The following CNEP1R1 variants were observed in gnomAD, a reference collection of about 807,000 sequenced individuals.
CNEP1R1 encodes CTD nuclear envelope phosphatase 1 regulatory subunit 1, also known as nuclear envelope phosphatase-regulatory subunit 1.
Under a neutral mutation model 22.7 loss-of-function variants are expected in CNEP1R1, and 10 were observed. That is an observed-to-expected ratio of 0.44 (90% confidence interval 0.27 to 0.75). The LOEUF (loss-of-function observed/expected upper bound fraction) is 0.75, where lower values mean the gene tolerates loss of function less well. CNEP1R1 is among the 30% of genes least tolerant of loss of function. The pLI, the probability that CNEP1R1 is intolerant of heterozygous loss-of-function variation, is 0.17. For missense variants in CNEP1R1, 73 were observed against 151.5 expected (o/e 0.48, Z 2.72); for synonymous variants, 53 against 50.1 (o/e 1.06, Z -0.25).
At chr16:50,028,402 G>A (rs17213285) in intron 2 of CNEP1R1, among the ~76,000 whole-genome samples, 13,054 of 152,230 alleles carry the variant, frequency 0.086, 668 homozygotes, top group Middle Eastern at 0.14. Context: ...TGAAGCTAAG[G>A]ATCTAAGGAT....
chr16:50,025,429 C>T, intron 1 of CNEP1R1, 89 bp downstream of exon 1: 4 of 1,315,518 alleles, frequency 3.0e-6, no homozygotes, highest in Non-Finnish European at 4.0e-6. Flanking sequence ...ACCCCCGCCC[C>T]GGGAGGAGGC....
intron 5 of CNEP1R1, 75 bp from the exon 6 acceptor site, chr16:50,035,342 T>A: frequency 1.2e-6 from 1 of 828,102 alleles, no homozygotes. Flanking sequence ...ACATACCCTT[T>A]AAGGTTTATA....
chr16:50,033,723 G>C (rs1276605611), intron 4 of CNEP1R1, among the ~76,000 whole-genome samples: 2 of 151,588 alleles, frequency 1.3e-5, no homozygotes, highest in Non-Finnish European at 2.9e-5. Flanking sequence ...AATTAGCCAG[G>C]TGTGGTGGTC....
intron 3 of CNEP1R1, among the ~76,000 whole-genome samples, chr16:50,032,423 C>T (rs1214949897): frequency 2.0e-5 from 3 of 152,280 alleles, no homozygotes; most frequent in African/African-American, 7.2e-5. Context: ...TTTCTTTCTC[C>T]TTCGTTCTAG....
At chr16:50,025,363 G>A (rs751425182) in intron 1 of CNEP1R1, 23 bp downstream of exon 1, 2 of 1,435,322 alleles carry the variant, frequency 1.4e-6, no homozygotes, top group Admixed American at 3.0e-5. Context: ...GCCCGGGCCC[G>A]TCCCCCGTCT....
At chr16:50,028,404 T>C (rs1404085093) in intron 2 of CNEP1R1, among the ~76,000 whole-genome samples, 1 of 152,214 alleles carries the variant, frequency 6.6e-6, no homozygotes, top group Non-Finnish European at 1.5e-5. Flanking sequence ...AAGCTAAGGA[T>C]CTAAGGATCT....
intron 1 of CNEP1R1, 107 bp downstream of exon 1, chr16:50,025,447 G>A (rs1432240776): frequency 7.9e-7 from 1 of 1,266,358 alleles, no homozygotes; most frequent in Non-Finnish European, 1.1e-6. Context: ...GGCCGCAGAG[G>A]ATGGAGCTAG....
chr16:50,035,470 CATT>C lies in CNEP1R1; in HGVS notation c.*13_*15del, dbSNP rs2036267799. 1 of 1,568,956 alleles carries C rather than the reference CATT, an allele frequency of 6.4e-7. No individual in the cohort carries two copies. Among genetic ancestry groups the C allele is most frequent in the African/African-American group, 1.3e-5 (1 of 74,314 alleles). ...CTCATGTTCAATGACAATCTTCACT[CATT>C]GTTATGGGACTTAAAATAGCCTTTC... On this transcript the variant is annotated 3_prime_UTR_variant, in exon 6 of 6. Coordinates refer to ENST00000427478, the MANE Select transcript of CNEP1R1 (RefSeq NM_001281789.2).
intron 3 of CNEP1R1, among the ~76,000 whole-genome samples, chr16:50,032,843 A>G (rs985303675): frequency 6.6e-6 from 1 of 152,078 alleles, no homozygotes; most frequent in Admixed American, 6.5e-5. Flanking sequence ...CGTCTCTACT[A>G]AAAGTACAAA....
intron 2 of CNEP1R1, among the ~76,000 whole-genome samples, chr16:50,027,550 C>T (rs1447483681): frequency 6.6e-6 from 1 of 151,516 alleles, no homozygotes; most frequent in Non-Finnish European, 1.5e-5. Flanking sequence ...GGTGGCACAC[C>T]CCGAGGTCCC....
intron 1 of CNEP1R1, 72 bp downstream of exon 1, chr16:50,025,412 C>T: frequency 7.3e-7 from 1 of 1,368,788 alleles, no homozygotes; most frequent in Non-Finnish European, 9.6e-7. Flanking sequence ...GAGCCGGCGT[C>T]GTGAAGACCC....
chr16:50,026,334 C>CTCG (rs1274762906), intron 1 of CNEP1R1, 62 bp from the exon 2 acceptor site: 4 of 1,184,656 alleles, frequency 3.4e-6, no homozygotes, highest in Non-Finnish European at 4.9e-6. Context: ...TAGGTAAATA[C>CTCG]TCTGACATTT....
chr16:50,033,888 T>C (rs1365227689), intron 4 of CNEP1R1, among the ~76,000 whole-genome samples: 2 of 146,552 alleles, frequency 1.4e-5, no homozygotes, highest in African/African-American at 5.0e-5. Flanking sequence ...GAGTACGCTT[T>C]GTGTTTTTTT....
chr16:50,030,931 T>C (rs566659327), intron 3 of CNEP1R1, among the ~76,000 whole-genome samples: 1 of 152,358 alleles, frequency 6.6e-6, no homozygotes, highest in African/African-American at 2.4e-5. Context: ...CATAATGTTA[T>C]TCCTTGAAGC....
intron 4 of CNEP1R1, among the ~76,000 whole-genome samples, 156 bp from the exon 5 acceptor site, chr16:50,033,946 C>T (rs1324812740): frequency 3.4e-5 from 5 of 148,646 alleles, no homozygotes; most frequent in Admixed American, 6.7e-5. Context: ...TGCAGTGGCG[C>T]GATCTCGGAT....
At position 50,025,245 on chromosome 16, in the gene CNEP1R1, C is replaced by G; in HGVS notation, c.-71C>G. 2.2e-6 allele frequency: 3 copies of G among 1,366,450 alleles called. No individual in the cohort carries two copies. Among genetic ancestry groups the G allele is most frequent in the Non-Finnish European group, 2.8e-6 (3 of 1,059,936 alleles). The allele number at this position is 1,366,450 out of a possible 1,614,324, so 84.6% of individuals were successfully genotyped here. ...CGGTTAGAGGTGGGAGTTGGCGCTG[C>G]GGGCCGGGCGGGGGCCGCGGAAGCT... is the stretch of plus-strand genomic sequence containing the variant. On this transcript the variant is annotated 5_prime_UTR_variant, in exon 1 of 6. Transcript: ENST00000427478.
At chr16:50,033,349 C>T (rs1044496107) in intron 3 of CNEP1R1, 48 bp from the exon 4 acceptor site, 2 of 863,278 alleles carry the variant, frequency 2.3e-6, no homozygotes, top group African/African-American at 3.4e-5. Context: ...AGGAATCAGC[C>T]ATCCTAAGAT....
chr16:50,033,280 A>C (rs1407584750), intron 3 of CNEP1R1, 117 bp from the exon 4 acceptor site: 1 of 465,842 alleles, frequency 2.1e-6, no homozygotes, highest in African/African-American at 2.0e-5. Context: ...GAAGTCTTCA[A>C]ATCCTCATGG....
At chr16:50,030,975 A>G (rs748559817) in intron 3 of CNEP1R1, among the ~76,000 whole-genome samples, 13 of 152,152 alleles carry the variant, frequency 8.5e-5, no homozygotes, top group Non-Finnish European at 1.5e-4. Flanking sequence ...ATGTTTCTCA[A>G]ATTTCCACCT....
Sources: gnomAD v4.1 joint callset for allele counts (sites outside exome capture counted in the v4.1 genomes callset) on GRCh38, gnomAD v4.1.1 for gene constraint, MANE v1.5 for transcripts, NCBI Gene and HGNC (gene_info 2026-07-23, HGNC 2026-07-21) for gene names.